ARMH4: variants seen among roughly 807,000 people sequenced by gnomAD.
ARMH4 encodes armadillo like helical domain containing 4, also known as armadillo-like helical domain-containing protein 4.
A neutral mutation model predicts 61.9 loss-of-function variants in ARMH4; 49 were observed. The observed-to-expected ratio is 0.79, with a 90% CI of 0.63 to 1.00. The LOEUF (loss-of-function observed/expected upper bound fraction) is 1.00. ARMH4 is among the 50% of genes least tolerant of loss of function. ARMH4 has a pLI of 0.00. For missense variants in ARMH4, 934 were observed against 930.0 expected, an observed-to-expected ratio of 1.00 and a Z score of -0.06; for synonymous variants, 368 against 341.5, an observed-to-expected ratio of 1.08 and a Z score of -0.85.
At chr14:58,141,464 A>G (rs1887548515) in intron 1 of ARMH4, 1 of 540,932 alleles carries the variant, frequency 1.8e-6, no homozygotes, top group East Asian at 4.8e-5. Flanking sequence ...TACAACATCC[A>G]GAAAGAGTCC....
At chr14:58,062,325 T>C (rs1036507822) in intron 5 of ARMH4, among the ~76,000 whole-genome samples, 1 of 152,026 alleles carries the variant, frequency 6.6e-6, no homozygotes, top group East Asian at 1.9e-4. Flanking sequence ...AGTGACAGAG[T>C]AAGACTCTGC....
intron 7 of ARMH4, 81 bp downstream of exon 7, chr14:58,004,967 C>T: frequency 1.3e-6 from 2 of 1,585,682 alleles, no homozygotes; most frequent in Non-Finnish European, 1.7e-6. Context: ...CATCATTAAA[C>T]CCCGTGTGCT....
At chr14:58,085,783 A>G (rs991988345) in intron 5 of ARMH4, among the ~76,000 whole-genome samples, 1 of 152,244 alleles carries the variant, frequency 6.6e-6, no homozygotes, top group East Asian at 1.9e-4. Flanking sequence ...TTAGGTTTCC[A>G]GACGGCTCTT....
At chr14:58,014,562 G>A (rs555619227) in intron 5 of ARMH4, among the ~76,000 whole-genome samples, 11 of 152,216 alleles carry the variant, frequency 7.2e-5, no homozygotes, top group African/African-American at 2.2e-4. Flanking sequence ...GGGAAGAAAG[G>A]TAAGTAAAAT....
chr14:58,076,656 T>TA (rs1048694138), intron 5 of ARMH4, among the ~76,000 whole-genome samples: 1 of 152,142 alleles, frequency 6.6e-6, no homozygotes, highest in African/African-American at 2.4e-5. Flanking sequence ...GTTGTTTTTT[T>TA]AAAAAGAAAG....
At position 58,033,002 on chromosome 14, in the gene ARMH4, C is replaced by A. The variant is rs1165257044; in HGVS notation, c.2090-20852G>T. On this transcript the variant is annotated intron_variant, in intron 5 of 7. Coordinates refer to ENST00000267485, the MANE Select transcript of ARMH4 (RefSeq NM_001001872.4). ...GGGCGCCCGCCATTGCCCAGGCTTG[C>A]TTAGGTAAACAAAGCAGCCGGGAAC... Among the ~76,000 whole-genome samples the A allele has an allele frequency of 1.8e-3, 233 of 133,058 alleles. 2 individuals are homozygous for A. The highest frequency in any genetic ancestry group is 3.1e-3 in the Non-Finnish European group (187 of 61,098). 87.3% of individuals were successfully genotyped at this position (133,058 alleles called of 152,430 possible). A position where few individuals can be genotyped will look rare whatever the true frequency, so the allele number is the denominator to read the frequency against.
chr14:58,052,459 C>T (rs1167367945), intron 5 of ARMH4, among the ~76,000 whole-genome samples: 6 of 151,880 alleles, frequency 4.0e-5, no homozygotes, highest in Non-Finnish European at 8.8e-5. Context: ...CTCCTGACTT[C>T]AGAGCTTTTT....
chr14:58,025,327 G>A lies in ARMH4; in HGVS notation c.2090-13177C>T, dbSNP rs528925796. Among the ~76,000 whole-genome samples, 11 of 152,226 alleles carry A rather than the reference G, an allele frequency of 7.2e-5. No homozygotes were observed. In the East Asian group the frequency reaches 1.9e-3, roughly 27 times the overall value. On this transcript the variant is annotated intron_variant, in intron 5 of 7. Coordinates refer to ENST00000267485, the MANE Select transcript of ARMH4 (RefSeq NM_001001872.4). The stretch of plus-strand genomic sequence containing the variant: ...ACATAGCACTCCCATATAGCATTGT[G>A]TGAGATATACTTTTAGCTAGATTCC...
chr14:58,030,208 C>T (rs1883178861), intron 5 of ARMH4, among the ~76,000 whole-genome samples: 1 of 152,138 alleles, frequency 6.6e-6, no homozygotes, highest in South Asian at 2.1e-4. Flanking sequence ...ACTCATATTC[C>T]ATTCACCCAT....
At chr14:58,134,655 C>T (rs887516933) in intron 2 of ARMH4, among the ~76,000 whole-genome samples, 1 of 151,966 alleles carries the variant, frequency 6.6e-6, no homozygotes, top group African/African-American at 2.4e-5. Context: ...AAGGGTTCCT[C>T]AAAGTTTTTA....
chr14:58,133,159 C>G lies in ARMH4; in HGVS notation c.1552G>C (p.Glu518Gln). 1 of 1,614,104 alleles carries G rather than the reference C, an allele frequency of 6.2e-7. No individual in the cohort carries two copies. The highest frequency in any genetic ancestry group is 8.5e-7 in the Non-Finnish European group (1 of 1,180,016). The change falls in exon 3 of 8, where the codon GAG becomes CAG. Residue 518 changes from glutamate (E) to glutamine (Q), a missense_variant. Physicochemically the swap from Glu to Gln is conservative, Grantham distance 29. Transcript: ENST00000267485. ...GTTGAAATTGTAGTGGCCAGAGGCT[C>G]CCATCTTCTTGACAGCTGAGTAACA... ...PGVTQLSRRW[E>Q]PLATTISTTV...
At chr14:58,135,608 C>T (rs1357371887) in intron 2 of ARMH4, among the ~76,000 whole-genome samples, 3 of 151,926 alleles carry the variant, frequency 2.0e-5, no homozygotes, top group Non-Finnish European at 4.4e-5. Context: ...AGTTTCCTAA[C>T]ATCTCTCATT....
chr14:58,062,847 C>T (rs948336887), intron 5 of ARMH4, among the ~76,000 whole-genome samples: 2 of 152,154 alleles, frequency 1.3e-5, no homozygotes, highest in Admixed American at 1.3e-4. Context: ...TCAGCAAGGG[C>T]AATTTTAGGA....
At chr14:58,105,261 T>G (rs188950949) in intron 4 of ARMH4, among the ~76,000 whole-genome samples, 29 of 152,350 alleles carry the variant, frequency 1.9e-4, no homozygotes, top group Admixed American at 1.0e-3. Context: ...TTTTGCAATT[T>G]GTTTAAATAA....
At chr14:58,131,236 G>A (rs1317250132) in intron 4 of ARMH4, 1 of 369,030 alleles carries the variant, frequency 2.7e-6, no homozygotes, top group Non-Finnish European at 4.9e-6. Context: ...CTTTATTTAT[G>A]AACACTGGAA....
chr14:58,019,055 T>C (rs1355345497), intron 5 of ARMH4, among the ~76,000 whole-genome samples: 1 of 152,148 alleles, frequency 6.6e-6, no homozygotes, highest in Non-Finnish European at 1.5e-5. Flanking sequence ...CACTTATATG[T>C]AGAATCTGAA....
intron 5 of ARMH4, among the ~76,000 whole-genome samples, chr14:58,058,028 T>C (rs945214919): frequency 6.6e-6 from 1 of 152,232 alleles, no homozygotes; most frequent in African/African-American, 2.4e-5. Flanking sequence ...GGTTGTTTAC[T>C]CTTTTTCCTG....
intron 4 of ARMH4, among the ~76,000 whole-genome samples, chr14:58,103,475 C>A (rs766846385): frequency 1.3e-5 from 2 of 151,900 alleles, no homozygotes; most frequent in Admixed American, 6.6e-5. Context: ...GCCTCCAGAA[C>A]GATGAGGAAA....
At chr14:58,139,520 C>T in intron 1 of ARMH4, 106 bp from the exon 2 acceptor site, 1 of 670,290 alleles carries the variant, frequency 1.5e-6, no homozygotes, top group South Asian at 1.9e-5. Context: ...TTATAATACA[C>T]AGAGATGGTA....
Sources: gnomAD v4.1 joint callset for allele counts (sites outside exome capture counted in the v4.1 genomes callset) on GRCh38, gnomAD v4.1.1 for gene constraint, MANE v1.5 for transcripts, NCBI Gene and HGNC (gene_info 2026-07-23, HGNC 2026-07-21) for gene names.